The following RBFOX1 variants were observed in gnomAD, a reference collection of about 807,000 sequenced individuals.
The protein encoded by RBFOX1 is RNA binding fox-1 homolog 1.
Under a neutral mutation model 57.7 loss-of-function variants are expected in RBFOX1, and 8 were observed. The ratio of observed to expected loss-of-function variants is 0.14; its 90% CI spans 0.08 to 0.25. The LOEUF (loss-of-function observed/expected upper bound fraction) is 0.25, where lower values mean the gene tolerates loss of function less well. RBFOX1 is among the 10% of genes least tolerant of loss of function. The probability of loss-of-function intolerance (pLI) is 1.00; values close to 1 mark genes in which losing one functional copy is unlikely to be tolerated. For missense variants in RBFOX1, 611 were observed against 548.5 expected (o/e 1.11, Z -1.14); for synonymous variants, 326 against 222.4 (o/e 1.47, Z -4.15).
At chr16:7,035,842 G>C (rs954557901) in intron 3 of RBFOX1, among the ~76,000 whole-genome samples, 24 of 151,992 alleles carry the variant, frequency 1.6e-4, no homozygotes, top group African/African-American at 5.6e-4. Context: ...ATGTCTTCCA[G>C]CACTCCTTCC....
intron 2 of RBFOX1, among the ~76,000 whole-genome samples, chr16:6,605,641 G>A (rs1029292947): frequency 3.3e-5 from 5 of 152,270 alleles, no homozygotes; most frequent in African/African-American, 1.2e-4. Flanking sequence ...CTTAATACTC[G>A]TTCATTGTTC....
intron 2 of RBFOX1, among the ~76,000 whole-genome samples, chr16:6,330,106 A>T (rs996052418): frequency 2.0e-5 from 3 of 152,172 alleles, no homozygotes; most frequent in African/African-American, 7.2e-5. Context: ...ACAATAATGT[A>T]TGTCTGTAGT....
chr16:5,876,353 A>G (rs1287339398), intron 4 of RBFOX1, among the ~76,000 whole-genome samples: 1 of 152,166 alleles, frequency 6.6e-6, no homozygotes, highest in African/African-American at 2.4e-5. Context: ...AGATGAGCAT[A>G]CTGAGGCTTA....
At chr16:5,660,280 C>T (rs1441324985) in intron 3 of RBFOX1, among the ~76,000 whole-genome samples, 1 of 152,082 alleles carries the variant, frequency 6.6e-6, no homozygotes, top group Non-Finnish European at 1.5e-5. Flanking sequence ...TGGTGCAAAC[C>T]CTAGATCCCT....
intron 4 of RBFOX1, among the ~76,000 whole-genome samples, chr16:7,425,118 C>G (rs1177661124): frequency 6.6e-6 from 1 of 152,036 alleles, no homozygotes; most frequent in Non-Finnish European, 1.5e-5. Context: ...AAGGCTTATA[C>G]TGTTGGGAAA....
chr16:6,636,478 G>A (rs1056637643), intron 2 of RBFOX1, among the ~76,000 whole-genome samples: 7 of 151,972 alleles, frequency 4.6e-5, no homozygotes, highest in African/African-American at 1.7e-4. Context: ...CTGGATTTTG[G>A]ATTTTTAGAT....
intron 1 of RBFOX1, among the ~76,000 whole-genome samples, chr16:6,163,527 T>C (rs2096894525): frequency 6.6e-6 from 1 of 152,222 alleles, no homozygotes. Context: ...TTCTAGTTTT[T>C]ACCTGATTTT....
intron 1 of RBFOX1, among the ~76,000 whole-genome samples, chr16:6,253,814 C>G (rs1476495218): frequency 1.3e-5 from 2 of 152,060 alleles, no homozygotes; most frequent in African/African-American, 4.8e-5. Context: ...GACCAGCTTG[C>G]TGCATTTGCA....
intron 3 of RBFOX1, among the ~76,000 whole-genome samples, chr16:5,731,736 T>A (rs1476791151): frequency 6.6e-6 from 1 of 152,132 alleles, no homozygotes; most frequent in Admixed American, 6.5e-5. Flanking sequence ...GAAATGTGGG[T>A]AGGGAGAATA....
chr16:6,725,013 A>G (rs919331681), intron 3 of RBFOX1, among the ~76,000 whole-genome samples: 1 of 144,706 alleles, frequency 6.9e-6, no homozygotes, highest in Non-Finnish European at 1.5e-5. Context: ...GCCAGGAGTC[A>G]CTTTTGTTGC....
At chr16:7,675,645 C>T (rs2073056135) in intron 13 of RBFOX1, among the ~76,000 whole-genome samples, 1 of 152,208 alleles carries the variant, frequency 6.6e-6, no homozygotes, top group Non-Finnish European at 1.5e-5. Context: ...TTCCCTGCTT[C>T]ATCTATGTCT....
At chr16:6,549,047 C>T (rs1333295070) in intron 2 of RBFOX1, among the ~76,000 whole-genome samples, 2 of 143,754 alleles carry the variant, frequency 1.4e-5, no homozygotes. Context: ...TGCACTCCAG[C>T]CTGGGCAACA....
At chr16:5,760,007 T>TA (rs34698634) in intron 3 of RBFOX1, among the ~76,000 whole-genome samples, 38,666 of 142,174 alleles carry the variant, frequency 0.27, 5,364 homozygotes, top group East Asian at 0.56. Context: ...CCCACTGGGT[T>TA]AAAAAAAAAA....
intron 5 of RBFOX1, among the ~76,000 whole-genome samples, chr16:7,541,043 G>A (rs931389461): frequency 1.1e-4 from 17 of 152,154 alleles, no homozygotes; most frequent in Non-Finnish European, 2.2e-4. Context: ...GACCCAGAAT[G>A]TTTCCTTTTA....
intron 3 of RBFOX1, among the ~76,000 whole-genome samples, chr16:6,820,088 A>T (rs942849290): frequency 6.6e-6 from 1 of 152,060 alleles, no homozygotes; most frequent in Non-Finnish European, 1.5e-5. Context: ...TCCTTTTCTC[A>T]TAATAGTGAG....
chr16:6,513,113 G>C (rs1041522102), intron 2 of RBFOX1, among the ~76,000 whole-genome samples: 4 of 152,180 alleles, frequency 2.6e-5, no homozygotes, highest in Non-Finnish European at 5.9e-5. Context: ...TCAAATCCCA[G>C]CTCTACCACC....
rs141036713 is a variant in RBFOX1 at position 6,907,789 on chromosome 16, G to C, written c.-15-144268G>C. Among the ~76,000 whole-genome samples the C allele has an allele frequency of 1.5e-3, 227 of 146,526 alleles. 5 individuals are homozygous for C. The highest frequency in any genetic ancestry group is 5.3e-3 in the African/African-American group (219 of 41,154). ...GGGTTTCACCATTTTGGCCAGGCTG[G>C]TCTCAAACTCCTGACCTCAGGTGAA... On this transcript the variant is annotated intron_variant, in intron 3 of 15. Transcript: ENST00000550418.
At chr16:5,735,213 A>G (rs2052528304) in intron 3 of RBFOX1, among the ~76,000 whole-genome samples, 1 of 152,152 alleles carries the variant, frequency 6.6e-6, no homozygotes, top group East Asian at 1.9e-4. Context: ...ATCTCAGTTT[A>G]ACTGAAGGAA....
chr16:7,447,369 G>A (rs1644493014), intron 4 of RBFOX1, among the ~76,000 whole-genome samples: 4 of 147,766 alleles, frequency 2.7e-5, no homozygotes, highest in Non-Finnish European at 5.9e-5. Flanking sequence ...GGAGACGGAG[G>A]TTGCAGTGAG....
Sources: gnomAD v4.1 joint callset for allele counts (sites outside exome capture counted in the v4.1 genomes callset) on GRCh38, gnomAD v4.1.1 for gene constraint, MANE v1.5 for transcripts, NCBI Gene and HGNC (gene_info 2026-07-23, HGNC 2026-07-21) for gene names.